Variants in GCSAML observed in about 807,000 individuals in gnomAD.
The protein encoded by GCSAML is germinal center-associated signaling and motility-like protein.
GCSAML carries 9 observed loss-of-function variants against 13.0 expected under a neutral mutation model. The ratio of observed to expected loss-of-function variants is 0.69; its 90% CI spans 0.42 to 1.21. The LOEUF (loss-of-function observed/expected upper bound fraction) is 1.21, where lower values mean the gene tolerates loss of function less well. Among genes scored for constraint, GCSAML ranks in the 50% most tolerant of loss-of-function variants. The pLI is 0.00. For synonymous variants in GCSAML, 37 were observed against 52.9 expected, an observed-to-expected ratio of 0.70 and a Z score of 1.31; for missense variants, 143 against 153.4, an observed-to-expected ratio of 0.93 and a Z score of 0.36.
chr1:247,539,676 C>T (rs1667342040), intron 2 of GCSAML, among the ~76,000 whole-genome samples: 1 of 152,108 alleles, frequency 6.6e-6, no homozygotes, highest in Admixed American at 6.5e-5. Flanking sequence ...AACATTGACC[C>T]CTCTCATTTC....
chr1:247,533,054 G>A (rs537592780), intron 2 of GCSAML, among the ~76,000 whole-genome samples: 2 of 152,280 alleles, frequency 1.3e-5, no homozygotes, highest in South Asian at 4.1e-4. Context: ...CATTAAAATT[G>A]TGCCCTCTCA....
intron 1 of GCSAML, among the ~76,000 whole-genome samples, chr1:247,551,026 G>T (rs1257046441): frequency 6.6e-6 from 1 of 152,158 alleles, no homozygotes; most frequent in African/African-American, 2.4e-5. Context: ...TGTCAAGGTT[G>T]CCTTTGCTAT....
chr1:247,517,442 A>G (rs1450046791), intron 1 of GCSAML, among the ~76,000 whole-genome samples: 1 of 152,226 alleles, frequency 6.6e-6, no homozygotes, highest in African/African-American at 2.4e-5. Context: ...GAAATGTGAG[A>G]GCTGATCGTA....
chr1:247,513,845 C>T (rs1036284978), intron 1 of GCSAML, among the ~76,000 whole-genome samples: 1 of 152,196 alleles, frequency 6.6e-6, no homozygotes, highest in Non-Finnish European at 1.5e-5. Flanking sequence ...GCTGCACCCA[C>T]TTTCTAACCA....
chr1:247,539,461 C>T (rs922184191), intron 2 of GCSAML, among the ~76,000 whole-genome samples: 6 of 152,156 alleles, frequency 3.9e-5, no homozygotes, highest in Admixed American at 3.3e-4. Flanking sequence ...GCAATCGTTA[C>T]CACAGTGATC....
chr1:247,528,256 T>A (rs1044353369), intron 2 of GCSAML: 5 of 152,116 alleles, frequency 3.3e-5, no homozygotes, highest in African/African-American at 1.2e-4. Context: ...TGTTTTTAAT[T>A]CACAAATAAC....
chr1:247,565,866 G>C, intron 3 of GCSAML, 65 bp from the exon 4 acceptor site: 1 of 1,304,240 alleles, frequency 7.7e-7, no homozygotes. Context: ...CCTTCAATCT[G>C]TGATGGGGCA....
intron 1 of GCSAML, among the ~76,000 whole-genome samples, chr1:247,509,906 G>C (rs573401550): frequency 6.7e-6 from 1 of 150,240 alleles, no homozygotes; most frequent in South Asian, 2.1e-4. Context: ...TGGTTTGCCA[G>C]TATTTTATTG....
At chr1:247,531,209 T>C (rs1007186005) in intron 2 of GCSAML, 12 of 269,294 alleles carry the variant, frequency 4.5e-5, no homozygotes, top group African/African-American at 2.7e-4. Context: ...GCTCTCAGCG[T>C]CGTCAAAGTT....
At chr1:247,511,149 G>C (rs913479365) in intron 1 of GCSAML, among the ~76,000 whole-genome samples, 1 of 152,016 alleles carries the variant, frequency 6.6e-6, no homozygotes, top group Non-Finnish European at 1.5e-5. Flanking sequence ...TTGTGTGGGA[G>C]TCTAAGTCTC....
upstream of GCSAML, among the ~76,000 whole-genome samples, chr1:247,547,005 G>A (rs941133795): frequency 6.6e-6 from 1 of 151,762 alleles, no homozygotes; most frequent in Non-Finnish European, 1.5e-5. Flanking sequence ...TGGGGGATGA[G>A]GAGGGAGGAT....
chr1:247,560,431 A>C (rs1668085276), intron 2 of GCSAML, among the ~76,000 whole-genome samples: 4 of 152,118 alleles, frequency 2.6e-5, no homozygotes, highest in Non-Finnish European at 5.9e-5. Flanking sequence ...AGTGAACGTA[A>C]TTCCACTCTG....
At chr1:247,561,557 T>C (rs1668129239) in intron 2 of GCSAML, among the ~76,000 whole-genome samples, 1 of 152,174 alleles carries the variant, frequency 6.6e-6, no homozygotes, top group Non-Finnish European at 1.5e-5. Context: ...TCCTCTCCCA[T>C]TAATGTTGCT....
rs200581250 is a variant in GCSAML, at chr1:247,531,971, C to T, written c.-148+4917C>T. 1.1e-4 allele frequency: 183 copies of T among 1,614,068 alleles called. 2 individuals are homozygous for T. The highest frequency in any genetic ancestry group is 4.9e-4 in the Middle Eastern group (3 of 6,062). On this transcript the variant is annotated intron_variant, in intron 2 of 5. Transcript: ENST00000366489. ...GCCAGTTGCATAATGAGGGGCATCT[C>T]GCAAAAGAAGTGGTCGATGCAATTG...
At chr1:247,542,082 T>C (rs1667434916) in intron 2 of GCSAML, among the ~76,000 whole-genome samples, 1 of 151,964 alleles carries the variant, frequency 6.6e-6, no homozygotes, top group African/African-American at 2.4e-5. Flanking sequence ...ATATGCTTTT[T>C]GTGTTTTCAT....
At chr1:247,543,377 T>C (rs745981928) in intron 2 of GCSAML, among the ~76,000 whole-genome samples, 11 of 152,218 alleles carry the variant, frequency 7.2e-5, no homozygotes, top group Non-Finnish European at 1.5e-4. Flanking sequence ...TTGTTATAAT[T>C]GTTCTATTTT....
intron 2 of GCSAML, among the ~76,000 whole-genome samples, chr1:247,562,412 C>T (rs1668166705): frequency 1.3e-5 from 2 of 152,160 alleles, no homozygotes; most frequent in African/African-American, 4.8e-5. Flanking sequence ...TCCTTATTTA[C>T]TGCTCAGGGC....
chr1:247,548,987 C>T, upstream of GCSAML: 2 of 1,404,106 alleles, frequency 1.4e-6, no homozygotes, highest in Non-Finnish European at 1.9e-6. The surrounding 1 kb of genome is among the most constrained non-coding windows in gnomAD (Gnocchi z 5.3). Flanking sequence ...CACGCACACT[C>T]ACATTTTCCT....
chr1:247,551,848 A>G (rs1011297224), intron 1 of GCSAML, among the ~76,000 whole-genome samples: 1 of 152,234 alleles, frequency 6.6e-6, no homozygotes. Context: ...ACAGAGTGGA[A>G]AATCCCAGCA....
Sources: gnomAD v4.1 joint callset for allele counts (sites outside exome capture counted in the v4.1 genomes callset) on GRCh38, gnomAD v4.1.1 for gene constraint, Gnocchi (gnomAD v3.1) non-coding constraint, MANE v1.5 for transcripts, NCBI Gene and HGNC (gene_info 2026-07-23, HGNC 2026-07-21) for gene names.